LRATD1: variants seen among roughly 807,000 people sequenced by gnomAD.
The protein encoded by LRATD1 is LRAT domain containing 1.
Under a neutral mutation model 21.3 loss-of-function variants are expected in LRATD1, and 8 were observed. That is an observed-to-expected ratio of 0.38 (90% CI 0.22 to 0.68). LRATD1 has a LOEUF of 0.68. LRATD1 is among the 30% of genes least tolerant of loss of function. LRATD1 has a pLI of 0.54. For missense variants in LRATD1, 380 were observed against 404.0 expected (o/e 0.94, Z 0.51); for synonymous variants, 210 against 186.2 (o/e 1.13, Z -1.04).
Position 14,634,857 on chromosome 2 carries a change from A to T in LRATD1, c.878A>T (p.Ter293LeuextTer96). 2 of 1,608,804 alleles carry T rather than the reference A, an allele frequency of 1.2e-6. No homozygotes were observed. The highest frequency in any genetic ancestry group is 1.7e-6 in the Non-Finnish European group (2 of 1,176,956). Residue 293 changes from the stop codon to leucine, a stop_lost, in exon 2 of 2, where the codon TAG (stop) becomes TTG (leucine). Coordinates refer to ENST00000295092, the MANE Select transcript of LRATD1 (RefSeq NM_145175.4). ...ELADLVDDKE[*>L] is the part of the protein sequence containing the mutation. ...GCCGACCTCGTGGACGACAAGGAGT[A>T]GCCGCCTAGGGGCTGCCGGCCCCTC...
rs182259760 is a variant in LRATD1 at position 14,633,371 on chromosome 2, G to A, written c.-37+434G>A. 6.6e-6 allele frequency among the ~76,000 whole-genome samples: 1 copy of A among 152,324 alleles called. No homozygotes were observed. The highest frequency in any genetic ancestry group is 2.4e-5 in the African/African-American group (1 of 41,578). ...TTGTGGGTGTATGTGACATACACCA[G>A]TATACCAGGCTGCCAGTGTCTGGAC... On this transcript the variant is annotated intron_variant, in intron 1 of 1. Transcript: ENST00000295092. This position sits in a 1 kb window ranked among gnomAD's most constrained non-coding sequence, Gnocchi z 7.5.
downstream of LRATD1, among the ~76,000 whole-genome samples, chr2:14,651,849 C>T (rs905301686): frequency 6.6e-6 from 1 of 151,594 alleles, no homozygotes; most frequent in Admixed American, 6.6e-5. Context: ...TCATAGATTT[C>T]TTTGTTATAT....
At position 14,634,592 on chromosome 2, in the gene LRATD1, G is replaced by C. The variant is rs779300890; in HGVS notation, c.613G>C (p.Glu205Gln). The C allele has an allele frequency of 7.1e-5, 106 of 1,502,926 alleles. No homozygotes were observed. Among genetic ancestry groups the C allele is most frequent in the Non-Finnish European group, 9.2e-5 (103 of 1,122,920 alleles). 93.1% of individuals were successfully genotyped at this position (1,502,926 alleles called of 1,614,324 possible). The change falls in exon 2 of 2, where the codon GAG becomes CAG. Residue 205 changes from glutamate (E) to glutamine (Q), a missense_variant. Glu to Gln is a conservative substitution (Grantham distance 29). Coordinates refer to ENST00000295092, the MANE Select transcript of LRATD1 (RefSeq NM_145175.4). The stretch of plus-strand genomic sequence containing the variant: ...CTGCGGCCACCTGGGCCTCAAGAGC[G>C]AGGAGATCTGCTGGACGAACTCGGA... Reference protein sequence around the residue: ...NACGHLGLKSEEICWTNSESF... With the variant: ...NACGHLGLKSQEICWTNSESF...
chr2:14,635,403 C>T lies in LRATD1; in HGVS notation c.*545C>T. 2.1e-6 allele frequency: 1 copy of T among 471,842 alleles called. No individual in the cohort carries two copies. The highest frequency in any genetic ancestry group is 1.5e-5 in the South Asian group (1 of 64,574). 29.2% of individuals were successfully genotyped at this position (471,842 alleles called of 1,614,324 possible). On this transcript the variant is annotated 3_prime_UTR_variant, in exon 2 of 2. Coordinates refer to ENST00000295092, the MANE Select transcript of LRATD1 (RefSeq NM_145175.4). ...TCCCTTGTGCACTTGGGAATAATTC[C>T]CCAAGACAGCACTTCGGGATTCCGG...
At position 14,633,941 on chromosome 2, in the gene LRATD1, C is replaced by T; in HGVS notation, c.-36-3C>T. 6.3e-7 allele frequency: 1 copy of T among 1,586,298 alleles called. No homozygotes were observed. The highest frequency in any genetic ancestry group is 8.6e-7 in the Non-Finnish European group (1 of 1,163,130). On this transcript the variant is annotated splice_polypyrimidine_tract_variant and splice_region_variant and intron_variant, in intron 1 of 1. Transcript: ENST00000295092. This position sits in a 1 kb window ranked among gnomAD's most constrained non-coding sequence, Gnocchi z 7.5. ...GTGTCTCTGCCTCTCTGTGCCTCCG[C>T]AGATCCCCGCTCCTGGCCCTCGCCT...
Position 14,635,761 on chromosome 2 carries a change from C to T in LRATD1, c.*903C>T. 1 of 381,996 alleles carries T rather than the reference C, an allele frequency of 2.6e-6. No homozygotes were observed. 23.7% of individuals were successfully genotyped at this position (381,996 alleles called of 1,614,324 possible). On this transcript the variant is annotated 3_prime_UTR_variant, in exon 2 of 2. Coordinates refer to ENST00000295092, the MANE Select transcript of LRATD1 (RefSeq NM_145175.4). ...AACCCTTGATTGCTCCCTCCTCGGG[C>T]TGCATTTCAAAAATAGTCATATTTT...
downstream of LRATD1, chr2:14,650,365 T>G (rs1205831408): frequency 6.6e-6 from 1 of 152,206 alleles, no homozygotes; most frequent in Non-Finnish European, 1.5e-5. Context: ...TCATAATTGG[T>G]TGTATTTCTT....
chr2:14,644,131 G>A (rs1439101478), downstream of LRATD1, among the ~76,000 whole-genome samples: 3 of 151,660 alleles, frequency 2.0e-5, no homozygotes, highest in East Asian at 3.9e-4. Context: ...TGGATACAAA[G>A]CATAGTCTAG....
chr2:14,634,262 A>G lies in LRATD1; in HGVS notation c.283A>G (p.Ile95Val), dbSNP rs577950390. The G allele has an allele frequency of 2.5e-6, 4 of 1,608,628 alleles. 1 individual carries two copies. The highest frequency in any genetic ancestry group is 2.2e-5 in the South Asian group (2 of 90,912). Residue 95 changes from isoleucine (I) to valine (V), a missense_variant, in exon 2 of 2, where the codon ATC becomes GTC. Physicochemically the swap from Ile to Val is conservative, Grantham distance 29. Transcript: ENST00000295092. Reference protein sequence around the residue: ...QFSAFRGQECIFSKVSGGPQG... With the variant: ...QFSAFRGQECVFSKVSGGPQG... ...TTCCGCCTTTCGGGGCCAGGAATGCATCTTTTCCAAAGTGAGCGGTGGCCC... is the reference window on the plus strand; with the variant it reads ...TTCCGCCTTTCGGGGCCAGGAATGCGTCTTTTCCAAAGTGAGCGGTGGCCC...
At chr2:14,641,411 A>G (rs1671804432), downstream of LRATD1, among the ~76,000 whole-genome samples, 1 of 152,026 alleles carries the variant, frequency 6.6e-6, no homozygotes, top group Non-Finnish European at 1.5e-5. Context: ...ACCATCCTTT[A>G]CCTGGGGATA....
At chr2:14,649,691 T>C, downstream of LRATD1, 1 of 219,078 alleles carries the variant, frequency 4.6e-6, no homozygotes, top group South Asian at 7.5e-5. Context: ...TGCTCCATCC[T>C]ATGCCCAGGA....
chr2:14,642,995 A>T (rs529216227), downstream of LRATD1, among the ~76,000 whole-genome samples: 31 of 152,292 alleles, frequency 2.0e-4, no homozygotes, highest in South Asian at 4.8e-3. Flanking sequence ...GGGATTTTAA[A>T]CCACAATATC....
At chr2:14,644,185 G>A (rs1317760194), downstream of LRATD1, among the ~76,000 whole-genome samples, 2 of 151,730 alleles carry the variant, frequency 1.3e-5, no homozygotes, top group African/African-American at 4.8e-5. Context: ...CCCACTATTA[G>A]CTATAATCCA....
intron 4 of LRATD1, chr2:14,649,253 A>G: frequency 2.2e-6 from 1 of 456,428 alleles, no homozygotes. Flanking sequence ...GCAGTCAGGA[A>G]ATATATGACT....
rs560843517 is a variant in LRATD1, at chr2:14,649,492, C to T, written n.574+39C>T. On this transcript the variant is annotated intron_variant and non_coding_transcript_variant, in intron 5 of 5. Coordinates refer to the LRATD1 transcript ENST00000464947. ...CAATTCCTCTGCCTAGAAGCTCTGC[C>T]GGGTGAAATATCAGGAGATCCCACC... is the stretch of plus-strand genomic sequence containing the variant. The T allele has an allele frequency of 1.4e-4, 57 of 396,298 alleles. 1 individual carries two copies. The highest frequency in any genetic ancestry group is 1.9e-4 in the African/African-American group (9 of 48,104). The allele number at this position is 396,298 out of a possible 1,614,324, so 24.5% of individuals were successfully genotyped here.
At chr2:14,641,464 A>G (rs1245655641), downstream of LRATD1, among the ~76,000 whole-genome samples, 2 of 152,098 alleles carry the variant, frequency 1.3e-5, no homozygotes, top group Non-Finnish European at 2.9e-5. Flanking sequence ...ACTGTATACT[A>G]CTGTTTTTTA....
Position 14,648,536 on chromosome 2 carries a change from C to T in LRATD1, n.437-780C>T, listed in dbSNP as rs574248664. 2.6e-5 allele frequency among the ~76,000 whole-genome samples: 4 copies of T among 152,232 alleles called. No homozygotes were observed. In the South Asian group the frequency reaches 8.3e-4, roughly 32 times the overall value. Reference sequence around the variant, plus strand: ...TTTAAATGACTGTTTTAATAGAAGACAACTGGATTCTTATGTCTGCCTTTG... The same window carrying T: ...TTTAAATGACTGTTTTAATAGAAGATAACTGGATTCTTATGTCTGCCTTTG... On this transcript the variant is annotated intron_variant and non_coding_transcript_variant, in intron 4 of 5. Coordinates refer to the LRATD1 transcript ENST00000464947.
chr2:14,635,556 C>T lies in LRATD1; in HGVS notation c.*698C>T. The T allele has an allele frequency of 2.1e-6, 1 of 471,142 alleles. No individual in the cohort carries two copies. Among genetic ancestry groups the T allele is most frequent in the Non-Finnish European group, 4.4e-6 (1 of 227,062 alleles). The allele number at this position is 471,142 out of a possible 1,614,324, so 29.2% of individuals were successfully genotyped here. A position where few individuals can be genotyped will look rare whatever the true frequency, so the allele number is the denominator to read the frequency against. ...TCTTTCCACCGTGGGAAGCGAACGC[C>T]ACCCCCACCCGCCTTTGCCTGCGAG... On this transcript the variant is annotated 3_prime_UTR_variant, in exon 2 of 2. Transcript: ENST00000295092.
rs1428216176 is a variant in LRATD1 at position 14,632,786 on chromosome 2, G to C, written c.-188G>C. 6.6e-6 allele frequency: 1 copy of C among 152,426 alleles called. No individual in the cohort carries two copies. Among genetic ancestry groups the C allele is most frequent in the Non-Finnish European group, 1.5e-5 (1 of 68,246 alleles). The allele number at this position is 152,426 out of a possible 1,614,324, so 9.4% of individuals were successfully genotyped here. On this transcript the variant is annotated 5_prime_UTR_variant, in exon 1 of 2. Transcript: ENST00000295092. ...GGCCAGCGCAGACCTGGAGGCGCAC[G>C]GGCGCCGCACCGCACGATTCGGCTC...
Sources: allele counts gnomAD v4.1 joint callset (sites outside exome capture counted in the v4.1 genomes callset), GRCh38; gene constraint gnomAD v4.1.1; non-coding constraint Gnocchi (gnomAD v3.1); transcripts MANE v1.5; gene names NCBI Gene and HGNC (gene_info 2026-07-23, HGNC 2026-07-21).